The following TXNRD3 variants were observed in gnomAD, a reference collection of about 807,000 sequenced individuals.
TXNRD3 encodes the protein TXNRD3 neighbor gene protein.
TXNRD3 carries 68 observed loss-of-function variants against 78.2 expected under a neutral mutation model. That is an observed-to-expected ratio of 0.87 (90% CI 0.72 to 1.06). The LOEUF is 1.06. TXNRD3 is among the 50% of genes least tolerant of loss of function. The pLI, the probability that TXNRD3 is intolerant of heterozygous loss-of-function variation, is 0.00. For synonymous variants in TXNRD3, 296 were observed against 300.1 expected, an observed-to-expected ratio of 0.99 and a Z score of 0.14; for missense variants, 751 against 809.5, an observed-to-expected ratio of 0.93 and a Z score of 0.88.
At chr3:126,635,066 TG>T in intron 6 of TXNRD3, among the ~76,000 whole-genome samples, 1 of 152,314 alleles carries the variant, frequency 6.6e-6, no homozygotes, top group East Asian at 1.9e-4. Context: ...CACCCTGTGA[TG>T]TTGGTTATGA....
In TXNRD3 at chr3:126,630,911, C is replaced by T; in HGVS notation, c.998G>A (p.Cys333Tyr). Residue 333 changes from cysteine to tyrosine, a missense_variant, in exon 9 of 16, where the codon TGC becomes TAC. By Grantham distance (194) the Cys-to-Tyr change is radical. Coordinates refer to ENST00000524230, the MANE Select transcript of TXNRD3 (RefSeq NM_052883.3). ...ACCCACCACTAATGTTTTGCCAGGG[C>T]AATAAGGCAGAGAAAAAAGGTCATC... The T allele has an allele frequency of 1.3e-6, 2 of 1,535,510 alleles. No homozygotes were observed. Among genetic ancestry groups the T allele is most frequent in the African/African-American group, 1.4e-5 (1 of 72,978 alleles).
At chr3:126,644,099 T>C in intron 4 of TXNRD3, 46 bp from the exon 5 acceptor site, 1 of 1,518,658 alleles carries the variant, frequency 6.6e-7, no homozygotes, top group Non-Finnish European at 8.8e-7. Flanking sequence ...ATCTTGTCAC[T>C]TTCCTGACAC....
intron 1 of TXNRD3, among the ~76,000 whole-genome samples, chr3:126,651,200 A>T (rs1933379809): frequency 6.6e-6 from 1 of 152,216 alleles, no homozygotes; most frequent in Non-Finnish European, 1.5e-5. Context: ...GAGCGGCCAC[A>T]TGTAAAGACG....
intron 9 of TXNRD3, among the ~76,000 whole-genome samples, chr3:126,630,143 G>A (rs1003934271): frequency 1.3e-5 from 2 of 152,216 alleles, no homozygotes; most frequent in African/African-American, 4.8e-5. Flanking sequence ...TCAAATGAAT[G>A]GCCAGTTTCA....
At chr3:126,612,590 T>C (rs1938225672) in intron 13 of TXNRD3, among the ~76,000 whole-genome samples, 1 of 152,104 alleles carries the variant, frequency 6.6e-6, no homozygotes, top group Non-Finnish European at 1.5e-5. Flanking sequence ...TTACCAGGTT[T>C]TAAACATGAT....
At chr3:126,623,852 CA>C (rs4021853) in intron 10 of TXNRD3, among the ~76,000 whole-genome samples, 1,479 of 112,050 alleles carry the variant, frequency 0.013, 17 homozygotes, top group Middle Eastern at 0.054. Context: ...GAAACAAGGC[CA>C]AAAAAAAAAA....
Position 126,654,792 on chromosome 3 carries a change from G to A in TXNRD3, c.199C>T (p.Arg67Trp), listed in dbSNP as rs1413537280. The change falls in exon 1 of 16, where the codon CGG becomes TGG. Residue 67 changes from arginine to tryptophan, a missense_variant. Coordinates refer to ENST00000524230, the MANE Select transcript of TXNRD3 (RefSeq NM_052883.3). The stretch of plus-strand genomic sequence containing the variant: ...TAGCTCTTGCTGAAGATCACCACCC[G>A]GCTGCGCTCGATGAGGCCCACGAGG... The A allele has an allele frequency of 2.1e-6, 3 of 1,430,954 alleles. No individual in the cohort carries two copies. The highest frequency in any genetic ancestry group is 1.8e-6 in the Non-Finnish European group (2 of 1,093,312). The allele number at this position is 1,430,954 out of a possible 1,614,324, so 88.6% of individuals were successfully genotyped here. A position where few individuals can be genotyped will look rare whatever the true frequency, so the allele number is the denominator to read the frequency against.
At chr3:126,636,537 G>T (rs900635617) in intron 6 of TXNRD3, among the ~76,000 whole-genome samples, 4 of 152,132 alleles carry the variant, frequency 2.6e-5, no homozygotes, top group African/African-American at 9.7e-5. Context: ...TGTGTGAAAT[G>T]CCCTCAGAGC....
intron 6 of TXNRD3, among the ~76,000 whole-genome samples, chr3:126,640,451 C>G (rs9824832): frequency 0.014 from 2,145 of 152,130 alleles, 40 homozygotes; most frequent in Non-Finnish European, 0.016. Context: ...CCATTTCCCC[C>G]CCAGTCTCTC....
At position 126,641,225 on chromosome 3, in the gene TXNRD3, T is replaced by C. The variant is rs573275752; in HGVS notation, c.712+807A>G. Among the ~76,000 whole-genome samples, 188 of 152,310 alleles carry C rather than the reference T, an allele frequency of 1.2e-3. 1 individual carries two copies. Among genetic ancestry groups the C allele is most frequent in the Non-Finnish European group, 2.4e-3 (162 of 68,032 alleles). On this transcript the variant is annotated intron_variant, in intron 6 of 15. Coordinates refer to ENST00000524230, the MANE Select transcript of TXNRD3 (RefSeq NM_052883.3). ...TAAGCATCATTTTCTTTAGGGAGTTTTTTTCTGCTTGCTACTTAGCTTGAC... is the reference window on the plus strand; with the variant it reads ...TAAGCATCATTTTCTTTAGGGAGTTCTTTTCTGCTTGCTACTTAGCTTGAC...
In TXNRD3 at chr3:126,644,395, G is replaced by C. The variant is rs1933180765; in HGVS notation, c.421C>G (p.Gln141Glu). 6.5e-7 allele frequency: 1 copy of C among 1,534,390 alleles called. No homozygotes were observed. Residue 141 changes from glutamine to glutamate, a missense_variant, in exon 4 of 16, where the codon CAG (glutamine) becomes GAG (glutamate). By Grantham distance (29) the Gln-to-Glu change is conservative (BLOSUM62 2). Transcript: ENST00000524230. ...AGGAGCTTCTGTAACAAACCACTCT[G>C]ATATGCCTATGGTTTAATTACAGGA...
chr3:126,624,013 T>C (rs1445165855), intron 10 of TXNRD3, among the ~76,000 whole-genome samples: 1 of 152,158 alleles, frequency 6.6e-6, no homozygotes, highest in Non-Finnish European at 1.5e-5. Context: ...CCATTTATGT[T>C]AGCTTTAAAA....
intron 6 of TXNRD3, among the ~76,000 whole-genome samples, chr3:126,636,960 G>C (rs547521469): frequency 6.6e-6 from 1 of 151,020 alleles, no homozygotes; most frequent in South Asian, 2.1e-4. Flanking sequence ...GCTATTGTTA[G>C]TGTATTTTAT....
At chr3:126,631,348 C>CAAAGTTTGCAGGTCAA (rs1372967704) in intron 8 of TXNRD3, among the ~76,000 whole-genome samples, 1 of 152,118 alleles carries the variant, frequency 6.6e-6, no homozygotes, top group Non-Finnish European at 1.5e-5. Context: ...AGTCATTACA[C>CAAAGTTTGCAGGTCAA]ACATGTCCTG....
chr3:126,607,965 C>A lies in TXNRD3; in HGVS notation c.1872G>T (p.Thr624=). Residue 624 remains threonine, a synonymous_variant, in exon 16 of 16, where the codon ACG becomes ACT. Coordinates refer to ENST00000524230, the MANE Select transcript of TXNRD3 (RefSeq NM_052883.3). ...CTGACGACTTTGTGATTTCCAAAGT[C>A]GTGAACACCTGTTCAAGAGAAAGAA... The A allele has an allele frequency of 6.7e-7, 1 of 1,501,270 alleles. No homozygotes were observed. Among genetic ancestry groups the A allele is most frequent in the South Asian group, 1.3e-5 (1 of 79,286 alleles). The allele number at this position is 1,501,270 out of a possible 1,614,324, so 93.0% of individuals were successfully genotyped here.
At chr3:126,632,617 G>A (rs1288159075) in intron 7 of TXNRD3, among the ~76,000 whole-genome samples, 4 of 143,348 alleles carry the variant, frequency 2.8e-5, no homozygotes, top group East Asian at 2.0e-4. Context: ...TCAAGATCAC[G>A]CCACTGCACT....
chr3:126,644,446 T>C (rs542873859), intron 3 of TXNRD3, 45 bp from the exon 4 acceptor site: 1 of 1,338,354 alleles, frequency 7.5e-7, no homozygotes, highest in Non-Finnish European at 1.0e-6. Flanking sequence ...AATTTAAAGT[T>C]TTACAGCTAT....
intron 12 of TXNRD3, among the ~76,000 whole-genome samples, chr3:126,618,818 G>A (rs1938375771): frequency 1.6e-5 from 2 of 128,224 alleles, no homozygotes; most frequent in African/African-American, 6.0e-5. Flanking sequence ...ATCCATCTGA[G>A]AAGGTGCTAA....
chr3:126,627,544 A>G (rs1437047208), intron 10 of TXNRD3, among the ~76,000 whole-genome samples: 1 of 152,240 alleles, frequency 6.6e-6, no homozygotes, highest in Non-Finnish European at 1.5e-5. Context: ...CTACATGTAT[A>G]TTATACCTCA....
Sources: gnomAD v4.1 joint callset for allele counts (sites outside exome capture counted in the v4.1 genomes callset) on GRCh38, gnomAD v4.1.1 for gene constraint, MANE v1.5 for transcripts, NCBI Gene and HGNC (gene_info 2026-07-23, HGNC 2026-07-21) for gene names.